RMDN2: variants seen among roughly 807,000 people sequenced by gnomAD.
RMDN2 encodes the protein regulator of microtubule dynamics 2.
Under a neutral mutation model 52.8 loss-of-function variants are expected in RMDN2, and 61 were observed. The ratio of observed to expected loss-of-function variants is 1.16; its 90% confidence interval spans 0.94 to 1.43. RMDN2 has a LOEUF of 1.43. Ranked by LOEUF, RMDN2 falls within the 40% of genes most tolerant of loss-of-function variation. RMDN2 has a pLI of 0.00. For missense variants in RMDN2, 592 were observed against 475.3 expected, an observed-to-expected ratio of 1.25 and a Z score of -2.28; for synonymous variants, 180 against 153.1, an observed-to-expected ratio of 1.18 and a Z score of -1.30.
chr2:38,027,666 G>C (rs1040952788), intron 10 of RMDN2, among the ~76,000 whole-genome samples: 3 of 152,138 alleles, frequency 2.0e-5, no homozygotes, highest in African/African-American at 7.2e-5. Context: ...TTTTTCAATA[G>C]TAACCTTGTG....
At chr2:38,049,875 C>T (rs1681484644) in intron 10 of RMDN2, among the ~76,000 whole-genome samples, 1 of 152,162 alleles carries the variant, frequency 6.6e-6, no homozygotes, top group Non-Finnish European at 1.5e-5. Context: ...ATGGTTTGTA[C>T]ATTTTTTATC....
At chr2:37,956,557 T>G (rs1261938484) in intron 2 of RMDN2, among the ~76,000 whole-genome samples, 2 of 152,074 alleles carry the variant, frequency 1.3e-5, no homozygotes, top group African/African-American at 4.8e-5. Context: ...ATCTCTCTTA[T>G]TCCTCTCTTC....
chr2:38,002,885 C>G (rs1676509105), intron 8 of RMDN2: 2 of 152,226 alleles, frequency 1.3e-5, no homozygotes, highest in African/African-American at 4.8e-5. Flanking sequence ...GGTGGAGACT[C>G]CAGGTTGTAA....
At chr2:37,926,793 G>A (rs550509912) in intron 1 of RMDN2, among the ~76,000 whole-genome samples, 5 of 152,250 alleles carry the variant, frequency 3.3e-5, no homozygotes, top group South Asian at 2.1e-4. Context: ...AAAATTAGCC[G>A]GGCGTGGTTG....
At chr2:37,928,494 T>A (rs959514254) in intron 1 of RMDN2, among the ~76,000 whole-genome samples, 1 of 152,192 alleles carries the variant, frequency 6.6e-6, no homozygotes, top group Non-Finnish European at 1.5e-5. Flanking sequence ...TACTGATATT[T>A]TTTCCCCAAT....
At chr2:38,051,335 T>C (rs766451813) in intron 10 of RMDN2, among the ~76,000 whole-genome samples, 8 of 152,204 alleles carry the variant, frequency 5.3e-5, no homozygotes, top group Non-Finnish European at 1.2e-4. Context: ...GATAGAACTT[T>C]AAATTCCCTC....
intron 2 of RMDN2, among the ~76,000 whole-genome samples, chr2:37,943,959 G>A (rs1026060100): frequency 5.3e-5 from 8 of 152,136 alleles, no homozygotes; most frequent in Non-Finnish European, 1.0e-4. Flanking sequence ...ATGCCAACAG[G>A]TGAAGTGTAT....
chr2:37,937,318 G>T (rs1667391718), intron 2 of RMDN2, among the ~76,000 whole-genome samples: 4 of 152,130 alleles, frequency 2.6e-5, no homozygotes, highest in Admixed American at 1.3e-4. Flanking sequence ...ATAGTTTGAA[G>T]TCAGGTAGCA....
At chr2:37,938,299 GTATTT>G (rs1349429355) in intron 2 of RMDN2, among the ~76,000 whole-genome samples, 2 of 152,208 alleles carry the variant, frequency 1.3e-5, no homozygotes, top group Non-Finnish European at 2.9e-5. Flanking sequence ...TGGTTTGCCA[GTATTT>G]TATTGAGGAT....
intron 2 of RMDN2, among the ~76,000 whole-genome samples, chr2:37,943,253 A>C (rs1219959798): frequency 6.6e-6 from 1 of 152,230 alleles, no homozygotes; most frequent in Non-Finnish European, 1.5e-5. Flanking sequence ...GTACTGAAGA[A>C]GTGGACAAAG....
intron 2 of RMDN2, chr2:37,951,370 C>T (rs1668768805): frequency 6.2e-7 from 1 of 1,613,312 alleles, no homozygotes; most frequent in Non-Finnish European, 8.5e-7. Context: ...TCCCCTGTAA[C>T]ACATAAAGTC....
In RMDN2 at chr2:37,925,382, G is replaced by C. The variant is rs1368350113; in HGVS notation, c.-60G>C. On this transcript the variant is annotated 5_prime_UTR_variant, in exon 1 of 11. Transcript: ENST00000354545. ...CGCCACTGCGCGCCAGCAGGTCCTG[G>C]TCTCCGCTCTCCAACAGCTGAAAGG... 1 of 152,442 alleles carries C rather than the reference G, an allele frequency of 6.6e-6. No homozygotes were observed. The highest frequency in any genetic ancestry group is 2.4e-5 in the African/African-American group (1 of 41,456). 9.4% of individuals were successfully genotyped at this position (152,442 alleles called of 1,614,324 possible).
chr2:37,931,599 C>A (rs1666749424), intron 2 of RMDN2, among the ~76,000 whole-genome samples: 1 of 152,168 alleles, frequency 6.6e-6, no homozygotes, highest in South Asian at 2.1e-4. Context: ...TGAGCTTAGG[C>A]TTATTCAAGA....
rs754597812 is a variant in RMDN2 at position 37,997,496 on chromosome 2, T to G, written c.1026T>G (p.Ala342=). The part of the protein sequence containing the change: ...GKIPSSTVQE[A]LHNFLKAEEL... ...TACCATCTTCAACTGTACAAGAAGCTTTACACAATTTCCTTAAGGTACATT... is the reference window on the plus strand; with the variant it reads ...TACCATCTTCAACTGTACAAGAAGCGTTACACAATTTCCTTAAGGTACATT... Residue 342 remains alanine (A), a synonymous_variant, in exon 8 of 11, where the codon GCT becomes GCG. Transcript: ENST00000354545. 2 of 1,609,724 alleles carry G rather than the reference T, an allele frequency of 1.2e-6. No individual in the cohort carries two copies.
intron 10 of RMDN2, among the ~76,000 whole-genome samples, chr2:38,006,968 G>GT (rs1182758999): frequency 6.6e-6 from 1 of 152,164 alleles, no homozygotes; most frequent in Non-Finnish European, 1.5e-5. Context: ...ATAATCATAT[G>GT]TTTTTTGTCC....
intron 10 of RMDN2, among the ~76,000 whole-genome samples, chr2:38,048,983 A>G (rs1681435375): frequency 1.3e-5 from 2 of 152,232 alleles, no homozygotes; most frequent in South Asian, 2.1e-4. Flanking sequence ...GTATTTGGTG[A>G]TAGGGCCATA....
intron 10 of RMDN2, among the ~76,000 whole-genome samples, chr2:38,038,909 GGC>G (rs1287536946): frequency 1.3e-5 from 2 of 152,106 alleles, no homozygotes; most frequent in Non-Finnish European, 2.9e-5. Context: ...CGGAGGGCCA[GGC>G]TGGTGGTTCC....
intron 2 of RMDN2, chr2:37,952,084 C>G: frequency 1.2e-6 from 2 of 1,613,206 alleles, no homozygotes; most frequent in Non-Finnish European, 8.5e-7. Context: ...TATAAAAATT[C>G]TGGTTGCTTT....
chr2:38,024,571 A>T (rs1297371277), intron 10 of RMDN2, among the ~76,000 whole-genome samples: 1 of 152,066 alleles, frequency 6.6e-6, no homozygotes, highest in Non-Finnish European at 1.5e-5. Context: ...TGTCATCTGT[A>T]TATCTTTTAT....
Sources: allele counts gnomAD v4.1 joint callset (sites outside exome capture counted in the v4.1 genomes callset), GRCh38; gene constraint gnomAD v4.1.1; transcripts MANE v1.5; gene names NCBI Gene and HGNC (gene_info 2026-07-23, HGNC 2026-07-21).